PSG6: variants seen among roughly 807,000 people sequenced by gnomAD.
The protein encoded by PSG6 is pregnancy-specific beta-1-glycoprotein 6.
PSG6 carries 51 observed loss-of-function variants against 43.3 expected under a neutral mutation model. That is an observed-to-expected ratio of 1.18 (90% CI 0.94 to 1.49). PSG6 has a LOEUF of 1.49. PSG6 is among the 40% of genes most tolerant of loss of function. The probability of loss-of-function intolerance (pLI) is 0.00; values close to 1 mark genes in which losing one functional copy is unlikely to be tolerated. For synonymous variants in PSG6, 292 were observed against 197.6 expected (o/e 1.48, Z -4.01); for missense variants, 770 against 522.2 (o/e 1.47, Z -4.62).
chr19:42,917,685 T>G (rs769497215), intron 1 of PSG6, 44 bp downstream of exon 1: 2 of 1,603,900 alleles, frequency 1.2e-6, no homozygotes, highest in Non-Finnish European at 1.7e-6. Context: ...ATCCAGTCAC[T>G]CTGCTTCCTC....
intron 4 of PSG6, 38 bp downstream of exon 4, chr19:42,907,538 C>A: frequency 6.2e-7 from 1 of 1,608,596 alleles, no homozygotes. Flanking sequence ...TGGAGTTAAG[C>A]TGGTGTCCTG....
Position 42,907,144 on chromosome 19 carries a change from A to G in PSG6, c.1018T>C (p.Phe340Leu), listed in dbSNP as rs755514025. Reference protein sequence around the residue: ...GPDLPRIYPSFTYYRSGENLD... With the variant: ...GPDLPRIYPSLTYYRSGENLD... ...TTTTCTCCTGAACGGTAATAGGTGA[A>G]TGAAGGGTAAATTCTGGGGAGGTCT... Residue 340 changes from phenylalanine to leucine, a missense_variant, in exon 5 of 6, where the codon TTC (phenylalanine) becomes CTC (leucine). Physicochemically the swap from Phe to Leu is conservative, Grantham distance 22. Transcript: ENST00000187910. The G allele has an allele frequency of 5.6e-6, 9 of 1,612,594 alleles. No homozygotes were observed. The highest frequency in any genetic ancestry group is 7.6e-6 in the Non-Finnish European group (9 of 1,179,274).
At chr19:42,914,677 C>G (rs10413609) in intron 2 of PSG6, among the ~76,000 whole-genome samples, 1 of 150,940 alleles carries the variant, frequency 6.6e-6, no homozygotes, top group African/African-American at 2.4e-5. Context: ...CTAGAACCTC[C>G]TAGGATTCTG....
chr19:42,917,468 A>G (rs1187815046), intron 1 of PSG6, among the ~76,000 whole-genome samples: 1 of 142,824 alleles, frequency 7.0e-6, no homozygotes, highest in African/African-American at 2.6e-5. Context: ...GGTTCATGTG[A>G]TTATCCTGCC....
chr19:42,903,640 A>G, intron 5 of PSG6: 1 of 1,516,082 alleles, frequency 6.6e-7, no homozygotes, highest in Non-Finnish European at 8.8e-7. Context: ...TTTTAATCCT[A>G]GCACTTTGGG....
chr19:42,903,744 T>G, intron 5 of PSG6: 1 of 1,513,664 alleles, frequency 6.6e-7, no homozygotes, highest in Non-Finnish European at 8.8e-7. Context: ...AAAAAACCAA[T>G]TAGCTGGGCA....
intron 3 of PSG6, chr19:42,909,972 T>C (rs1276480917): frequency 6.4e-6 from 1 of 156,602 alleles, no homozygotes; most frequent in Non-Finnish European, 1.4e-5. Flanking sequence ...GGCTGAGTTA[T>C]GGATGAAACA....
chr19:42,916,368 G>C lies in PSG6; in HGVS notation c.184C>G (p.Leu62Val), dbSNP rs1202216179. 6.2e-7 allele frequency: 1 copy of C among 1,612,196 alleles called. No homozygotes were observed. The highest frequency in any genetic ancestry group is 8.5e-7 in the Non-Finnish European group (1 of 1,179,144). ...LLLVHNLPQN[L>V]TGYIWYKGQM... Reference sequence around the variant, plus strand: ...CCTTTGTACCAGATGTAGCCAGTAAGATTCTGGGGCAAATTGTGGACAAGT... The same window carrying C: ...CCTTTGTACCAGATGTAGCCAGTAACATTCTGGGGCAAATTGTGGACAAGT... The change falls in exon 2 of 6, where the codon CTT becomes GTT. Residue 62 changes from leucine to valine, a missense_variant. Coordinates refer to ENST00000187910, the MANE Select transcript of PSG6 (RefSeq NM_001031850.4).
chr19:42,908,033 C>T, intron 3 of PSG6, 179 bp from the exon 4 acceptor site: 1 of 1,038,730 alleles, frequency 9.6e-7, no homozygotes. Context: ...TGTGAGGCCT[C>T]CTGCTCTGTC....
intron 2 of PSG6, among the ~76,000 whole-genome samples, chr19:42,911,556 G>T (rs939648054): frequency 5.3e-5 from 8 of 151,698 alleles, no homozygotes; most frequent in Admixed American, 5.3e-4. Flanking sequence ...AGAGCTGATA[G>T]GTTTGGCCCA....
chr19:42,914,819 A>G (rs1251704251), intron 2 of PSG6, among the ~76,000 whole-genome samples: 1 of 151,612 alleles, frequency 6.6e-6, no homozygotes, highest in Non-Finnish European at 1.5e-5. Context: ...TGAGTGGGGA[A>G]AGAAAACAAG....
intron 5 of PSG6, 33 bp from the exon 6 acceptor site, chr19:42,902,479 C>G: frequency 6.2e-7 from 1 of 1,606,844 alleles, no homozygotes; most frequent in Non-Finnish European, 8.5e-7. Flanking sequence ...CAGCGCATTT[C>G]AAATTCACTA....
chr19:42,911,812 C>G (rs1972231951), intron 2 of PSG6, among the ~76,000 whole-genome samples: 1 of 151,646 alleles, frequency 6.6e-6, no homozygotes, highest in Non-Finnish European at 1.5e-5. Context: ...ATTCTACTCT[C>G]TGATTCTGAG....
chr19:42,907,838 AG>A lies in PSG6; in HGVS notation c.722del (p.Pro241LeufsTer8), dbSNP rs1568443233. On this transcript the variant is annotated frameshift_variant, in exon 4 of 6. Transcript: ENST00000187910. LOFTEE classifies it high-confidence loss of function. ...TLNLLPKLPM[P>X]YITINNLNPR... ...GGTTTAAGTTGTTGATGGTGATGTAAGGCATGGGCAGCTTCGCTGTGTGGAT... is the reference window on the plus strand; with the variant it reads ...GGTTTAAGTTGTTGATGGTGATGTAAGCATGGGCAGCTTCGCTGTGTGGAT... 8 of 1,611,528 alleles carry A rather than the reference AG, an allele frequency of 5.0e-6. 1 individual carries two copies. Among genetic ancestry groups the A allele is most frequent in the Non-Finnish European group, 6.8e-6 (8 of 1,179,036 alleles).
In PSG6 at chr19:42,902,265, A is replaced by T; in HGVS notation, c.*147T>A. ...AATCTGGAGAATAAAACATTCCAAG[A>T]ATCAGCACATTTTCCAATAAAAAAT... On this transcript the variant is annotated 3_prime_UTR_variant, in exon 6 of 6. Transcript: ENST00000187910. The T allele has an allele frequency of 9.6e-7, 1 of 1,046,030 alleles. No individual in the cohort carries two copies. 64.8% of individuals were successfully genotyped at this position (1,046,030 alleles called of 1,614,324 possible).
chr19:42,917,327 A>G (rs577180835), intron 1 of PSG6, among the ~76,000 whole-genome samples: 1 of 147,116 alleles, frequency 6.8e-6, no homozygotes, highest in African/African-American at 2.5e-5. Context: ...GCTCCAACAG[A>G]GCCTTCTTTC....
At chr19:42,906,327 C>A (rs1189955287) in intron 5 of PSG6, among the ~76,000 whole-genome samples, 1 of 151,532 alleles carries the variant, frequency 6.6e-6, no homozygotes, top group Non-Finnish European at 1.5e-5. Context: ...CTTCAACTGG[C>A]AGCTCGATTT....
intron 3 of PSG6, 125 bp from the exon 4 acceptor site, chr19:42,907,979 A>G (rs756972827): frequency 4.3e-5 from 60 of 1,388,824 alleles, no homozygotes; most frequent in South Asian, 5.4e-5. Flanking sequence ...TAGCTGGTGC[A>G]TGTGTCACAA....
Position 42,902,172 on chromosome 19 carries a change from A to C in PSG6, c.*240T>G, listed in dbSNP as rs535078098. The stretch of plus-strand genomic sequence containing the variant: ...TTCTGGGGCACTCAGATAGAGAGCA[A>C]AAGCAAATGTTTCAATTTTTGTTTA... On this transcript the variant is annotated 3_prime_UTR_variant, in exon 6 of 6. Coordinates refer to ENST00000187910, the MANE Select transcript of PSG6 (RefSeq NM_001031850.4). The C allele has an allele frequency of 5.3e-3, 2,541 of 483,484 alleles. 90 individuals are homozygous for C. Among genetic ancestry groups the C allele is most frequent in the African/African-American group, 0.045 (2,321 of 51,098 alleles). 29.9% of individuals were successfully genotyped at this position (483,484 alleles called of 1,614,324 possible).
Sources: allele counts gnomAD v4.1 joint callset (sites outside exome capture counted in the v4.1 genomes callset), GRCh38; gene constraint gnomAD v4.1.1; transcripts MANE v1.5; gene names NCBI Gene and HGNC (gene_info 2026-07-23, HGNC 2026-07-21).